ATF7: variants seen among roughly 807,000 people sequenced by gnomAD.
The protein encoded by ATF7 is activating transcription factor 7.
In ATF7, 10 loss-of-function variants were observed where a neutral mutation model predicts 50.4. That is an observed-to-expected ratio of 0.20 (90% CI 0.12 to 0.34). ATF7 has a LOEUF of 0.34. Among genes scored for constraint, ATF7 ranks in the 10% least tolerant of loss-of-function variants. The pLI is 1.00. For missense variants in ATF7, 465 were observed against 613.9 expected (o/e 0.76, Z 2.56); for synonymous variants, 201 against 226.4 (o/e 0.89, Z 1.01).
chr12:53,526,724 G>A (rs912298590), intron 9 of ATF7, among the ~76,000 whole-genome samples: 4 of 151,640 alleles, frequency 2.6e-5, no homozygotes, highest in Non-Finnish European at 4.4e-5. Flanking sequence ...GGTGGCAGGC[G>A]CCTGTAATCC....
At chr12:53,555,845 T>G (rs1445079155) in intron 2 of ATF7, among the ~76,000 whole-genome samples, 1 of 151,584 alleles carries the variant, frequency 6.6e-6, no homozygotes. Flanking sequence ...GACAGAGTTT[T>G]GCTCTTGTTG....
chr12:53,516,729 G>T lies in ATF7; in HGVS notation c.*408C>A. The T allele has an allele frequency of 5.1e-6, 1 of 194,896 alleles. No homozygotes were observed. The highest frequency in any genetic ancestry group is 1.1e-5 in the Non-Finnish European group (1 of 91,424). 12.1% of individuals were successfully genotyped at this position (194,896 alleles called of 1,614,324 possible). A position where few individuals can be genotyped will look rare whatever the true frequency, so the allele number is the denominator to read the frequency against. ...CCCTCTATCTGGCAGGAAGTGGCAT[G>T]CTGGTAAGGAACAAAAAGGTAACAG... On this transcript the variant is annotated 3_prime_UTR_variant, in exon 12 of 12. Coordinates refer to ENST00000420353, the MANE Select transcript of ATF7 (RefSeq NM_006856.3).
intron 3 of ATF7, among the ~76,000 whole-genome samples, chr12:53,547,206 G>A (rs972243197): frequency 2.7e-5 from 4 of 149,496 alleles, no homozygotes; most frequent in African/African-American, 7.4e-5. Context: ...GGATGGTCTC[G>A]ATCTCCTGAC....
At chr12:53,549,411 T>C (rs1435024150) in intron 3 of ATF7, among the ~76,000 whole-genome samples, 1 of 151,790 alleles carries the variant, frequency 6.6e-6, no homozygotes, top group Non-Finnish European at 1.5e-5. Flanking sequence ...GCCCTTTCTT[T>C]TTTTTTTTCA....
intron 2 of ATF7, among the ~76,000 whole-genome samples, chr12:53,585,269 C>A (rs1453302384): frequency 6.6e-6 from 1 of 152,108 alleles, no homozygotes; most frequent in Non-Finnish European, 1.5e-5. Context: ...AACCACTGTG[C>A]CCGGCCTCAT....
intron 1 of ATF7, among the ~76,000 whole-genome samples, chr12:53,604,486 G>A (rs1344976319): frequency 6.6e-6 from 1 of 152,140 alleles, no homozygotes; most frequent in Non-Finnish European, 1.5e-5. Flanking sequence ...AATAGACTAA[G>A]CATGGAGTCT....
chr12:53,557,604 C>T (rs1435774265), intron 2 of ATF7, among the ~76,000 whole-genome samples: 1 of 152,188 alleles, frequency 6.6e-6, no homozygotes, highest in Non-Finnish European at 1.5e-5. Context: ...CACACTTGCC[C>T]TCACTGTAGG....
intron 2 of ATF7, among the ~76,000 whole-genome samples, chr12:53,576,510 T>G (rs1942074954): frequency 6.6e-6 from 1 of 152,130 alleles, no homozygotes; most frequent in Non-Finnish European, 1.5e-5. Context: ...GGCAAAAGAT[T>G]TGGCATCACT....
At chr12:53,578,256 C>T (rs755223951) in intron 2 of ATF7, among the ~76,000 whole-genome samples, 3 of 151,036 alleles carry the variant, frequency 2.0e-5, no homozygotes, top group Non-Finnish European at 2.9e-5. Context: ...TACCTATAGT[C>T]CTAGCTATTT....
intron 4 of ATF7, among the ~76,000 whole-genome samples, chr12:53,541,012 G>A (rs550245950): frequency 6.6e-6 from 1 of 152,284 alleles, no homozygotes; most frequent in African/African-American, 2.4e-5. Flanking sequence ...TTACAGGTGT[G>A]AACCACCAGG....
chr12:53,583,924 G>A (rs1435534840), intron 2 of ATF7, among the ~76,000 whole-genome samples: 2 of 152,136 alleles, frequency 1.3e-5, no homozygotes, highest in Admixed American at 1.3e-4. Flanking sequence ...AAATACAGAT[G>A]GCAAATAAGC....
intron 2 of ATF7, among the ~76,000 whole-genome samples, chr12:53,577,219 G>A (rs916322766): frequency 9.9e-5 from 15 of 151,980 alleles, no homozygotes; most frequent in African/African-American, 3.6e-4. Flanking sequence ...CCACGAGTTT[G>A]AGACCAGCCT....
rs1944266928 is a variant in ATF7, at chr12:53,619,042, ACT to A, written c.-22+7235_-22+7236del. On this transcript the variant is annotated intron_variant, in intron 1 of 11. Coordinates refer to ENST00000420353, the MANE Select transcript of ATF7 (RefSeq NM_006856.3). ...ACTCCAGCCTGGCTGACATAGCAAG[ACT>A]CTGTCTCCAAAAAAAAAAAAAAAGA... Among the ~76,000 whole-genome samples, 11 of 148,292 alleles carry A rather than the reference ACT, an allele frequency of 7.4e-5. No individual in the cohort carries two copies. The South Asian group carries it at 2.3e-3, about 32-fold the overall frequency.
intron 1 of ATF7, among the ~76,000 whole-genome samples, chr12:53,604,996 T>C (rs1943544110): frequency 6.6e-6 from 1 of 152,204 alleles, no homozygotes; most frequent in East Asian, 1.9e-4. Flanking sequence ...GGTTGATCAG[T>C]ATACATATCA....
At chr12:53,536,658 C>T (rs1165124690) in intron 5 of ATF7, among the ~76,000 whole-genome samples, 3 of 151,834 alleles carry the variant, frequency 2.0e-5, no homozygotes, top group East Asian at 2.0e-4. Context: ...GAGGCCGAGG[C>T]GGGCAGATCG....
chr12:53,557,153 T>G (rs1220581041), intron 2 of ATF7, among the ~76,000 whole-genome samples: 1 of 152,176 alleles, frequency 6.6e-6, no homozygotes, highest in Non-Finnish European at 1.5e-5. Flanking sequence ...CCCCAAAATA[T>G]TTCCTTTTTA....
chr12:53,562,719 T>C (rs1349564128), intron 2 of ATF7, among the ~76,000 whole-genome samples: 3 of 152,154 alleles, frequency 2.0e-5, no homozygotes, highest in Non-Finnish European at 4.4e-5. Flanking sequence ...AGTTGGTATC[T>C]ATCTTAAACA....
At chr12:53,600,344 C>CT (rs1301233001) in intron 2 of ATF7, among the ~76,000 whole-genome samples, 224 of 145,460 alleles carry the variant, frequency 1.5e-3, no homozygotes, top group Non-Finnish European at 1.6e-3. Flanking sequence ...TTCTTTCTTT[C>CT]TTTTTTTTTT....
intron 4 of ATF7, among the ~76,000 whole-genome samples, chr12:53,538,614 A>G (rs1405199475): frequency 6.6e-6 from 1 of 152,158 alleles, no homozygotes; most frequent in Non-Finnish European, 1.5e-5. Context: ...AATGGCCTTG[A>G]CACTGAACCA....
Sources: allele counts gnomAD v4.1 joint callset (sites outside exome capture counted in the v4.1 genomes callset), GRCh38; gene constraint gnomAD v4.1.1; transcripts MANE v1.5; gene names NCBI Gene and HGNC (gene_info 2026-07-23, HGNC 2026-07-21).